The following LARP4 variants were observed in gnomAD, a reference collection of about 807,000 sequenced individuals.
LARP4 encodes La ribonucleoprotein 4.
In LARP4, 29 loss-of-function variants were observed where a neutral mutation model predicts 92.9. The ratio of observed to expected loss-of-function variants is 0.31; its 90% CI spans 0.23 to 0.43. The LOEUF (loss-of-function observed/expected upper bound fraction) is 0.43, where lower values mean the gene tolerates loss of function less well. Ranked by LOEUF, LARP4 falls within the 20% of genes least tolerant of loss-of-function variation. The pLI is 1.00. For missense variants in LARP4, 732 were observed against 860.0 expected (o/e 0.85, Z 1.86); for synonymous variants, 279 against 284.1 (o/e 0.98, Z 0.18).
At chr12:50,401,378 A>C in intron 1 of LARP4, 3 of 258,670 alleles carry the variant, frequency 1.2e-5, no homozygotes, top group Non-Finnish European at 1.5e-5. Context: ...GGAGAGGGTA[A>C]TCAGGTGGGC....
intron 15 of LARP4, among the ~76,000 whole-genome samples, 179 bp from the exon 16 acceptor site, chr12:50,475,347 A>T (rs1394657440): frequency 1.3e-5 from 2 of 152,172 alleles, no homozygotes; most frequent in Non-Finnish European, 2.9e-5. Context: ...CCTTACGTGA[A>T]ATTATTGTAT....
chr12:50,401,445 CAT>C (rs1943825172), intron 1 of LARP4, among the ~76,000 whole-genome samples: 1 of 152,164 alleles, frequency 6.6e-6, no homozygotes, highest in African/African-American at 2.4e-5. Context: ...AGGCGAGCAA[CAT>C]GTGGGGCCAC....
chr12:50,466,808 G>A (rs1956211033), intron 12 of LARP4, 151 bp from the exon 13 acceptor site: 4 of 622,174 alleles, frequency 6.4e-6, no homozygotes, highest in South Asian at 6.1e-5. Flanking sequence ...CAAGTGAGAT[G>A]TCAAACCAAG....
chr12:50,436,472 A>G (rs1950482931), intron 5 of LARP4, among the ~76,000 whole-genome samples: 1 of 152,174 alleles, frequency 6.6e-6, no homozygotes, highest in African/African-American at 2.4e-5. Flanking sequence ...TTAAACCCAA[A>G]TAAGAAGTAC....
chr12:50,461,025 C>T, intron 10 of LARP4, 110 bp from the exon 11 acceptor site: 1 of 773,836 alleles, frequency 1.3e-6, no homozygotes, highest in South Asian at 1.5e-5. Context: ...TTGTGTTTAA[C>T]TTAATTTTTT....
At chr12:50,436,141 ATATATCCCGCTGGGG>A (rs1950418524) in intron 5 of LARP4, among the ~76,000 whole-genome samples, 1 of 128,662 alleles carries the variant, frequency 7.8e-6, no homozygotes, top group African/African-American at 3.2e-5. Flanking sequence ...GTGTGTGTGT[ATATATCCCGCTGGGG>A]TGTGTGTGTG....
In LARP4 at chr12:50,477,477, A is replaced by G. The variant is rs535780018; in HGVS notation, c.*1613A>G. Reference sequence around the variant, plus strand: ...GAAAGCACCATTGTGACATAGAGTAAACATCTTAGTAATATATTAAAGTGA... The same window carrying G: ...GAAAGCACCATTGTGACATAGAGTAGACATCTTAGTAATATATTAAAGTGA... On this transcript the variant is annotated 3_prime_UTR_variant, in exon 16 of 16. Transcript: ENST00000398473. 6.5e-6 allele frequency: 1 copy of G among 152,674 alleles called. No individual in the cohort carries two copies. The highest frequency in any genetic ancestry group is 2.1e-4 in the South Asian group (1 of 4,824). The allele number at this position is 152,674 out of a possible 1,614,324, so 9.5% of individuals were successfully genotyped here. A position where few individuals can be genotyped will look rare whatever the true frequency, so the allele number is the denominator to read the frequency against.
intron 1 of LARP4, chr12:50,415,861 G>GT: frequency 6.6e-6 from 1 of 150,540 alleles, no homozygotes. Flanking sequence ...GCTAATTCTT[G>GT]TTTTTTTGTT....
At chr12:50,472,760 G>A (rs1052959855) in intron 13 of LARP4, among the ~76,000 whole-genome samples, 3 of 151,420 alleles carry the variant, frequency 2.0e-5, no homozygotes, top group Non-Finnish European at 2.9e-5. Flanking sequence ...CAGTCCTCCC[G>A]CCTCAGCCTC....
Position 50,475,923 on chromosome 12 carries a change from A to G in LARP4, c.*59A>G, listed in dbSNP as rs1593520698. ...TTCCCATTAAACTTGAACTGTGGCT[A>G]TATTGAACTGTTTTGGAGGGGAGGG... On this transcript the variant is annotated 3_prime_UTR_variant, in exon 16 of 16. Transcript: ENST00000398473. The G allele has an allele frequency of 8.3e-6, 12 of 1,443,368 alleles. No individual in the cohort carries two copies. The East Asian group carries it at 9.1e-5, about 11-fold the overall frequency. The allele number at this position is 1,443,368 out of a possible 1,614,324, so 89.4% of individuals were successfully genotyped here.
intron 13 of LARP4, among the ~76,000 whole-genome samples, chr12:50,472,478 A>C (rs1272447350): frequency 6.6e-6 from 1 of 151,724 alleles, no homozygotes; most frequent in East Asian, 1.9e-4. Flanking sequence ...ATTCATGTTG[A>C]GCGTGAGTCA....
intron 1 of LARP4, among the ~76,000 whole-genome samples, chr12:50,410,844 G>A (rs1439786960): frequency 6.6e-6 from 1 of 152,138 alleles, no homozygotes; most frequent in Non-Finnish European, 1.5e-5. Context: ...GTGGCGTCAG[G>A]TTCTTTTGAT....
chr12:50,402,751 A>C (rs1368884190), intron 1 of LARP4: 1 of 455,172 alleles, frequency 2.2e-6, no homozygotes, highest in Non-Finnish European at 4.4e-6. Context: ...ATTTAGATCC[A>C]GGTCATGCTG....
chr12:50,426,732 G>GTT (rs796220360), intron 1 of LARP4, among the ~76,000 whole-genome samples: 2 of 52,100 alleles, frequency 3.8e-5, no homozygotes, highest in East Asian at 6.0e-4. Context: ...TGTGTGTGTG[G>GTT]TTTTTTTTTT....
chr12:50,402,269 AC>A (rs1944001029), intron 1 of LARP4, among the ~76,000 whole-genome samples: 1 of 152,156 alleles, frequency 6.6e-6, no homozygotes, highest in Non-Finnish European at 1.5e-5. Context: ...TTTTTAAAAG[AC>A]TGCTACATTA....
At chr12:50,464,243 A>T (rs557103075) in intron 12 of LARP4, among the ~76,000 whole-genome samples, 8 of 152,372 alleles carry the variant, frequency 5.3e-5, no homozygotes, top group African/African-American at 1.7e-4. Context: ...AGCATGATGC[A>T]GGCATCTGCC....
chr12:50,459,969 T>C (rs1955064113), intron 10 of LARP4, among the ~76,000 whole-genome samples: 1 of 151,738 alleles, frequency 6.6e-6, no homozygotes, highest in Non-Finnish European at 1.5e-5. Context: ...AAACCCTGTC[T>C]CTACTGAAAA....
rs1247267652 is a variant in LARP4 at position 50,475,876 on chromosome 12, A to G, written c.*12A>G. 8.7e-6 allele frequency: 14 copies of G among 1,605,124 alleles called. No individual in the cohort carries two copies. The highest frequency in any genetic ancestry group is 1.2e-5 in the Non-Finnish European group (14 of 1,174,346). The stretch of plus-strand genomic sequence containing the variant: ...GATCACCAAAGTAAAAAACAACAAA[A>G]CTATTCAAAAACTTCACTCTCTTCC... On this transcript the variant is annotated 3_prime_UTR_variant, in exon 16 of 16. Coordinates refer to ENST00000398473, the MANE Select transcript of LARP4 (RefSeq NM_052879.5).
At position 50,470,418 on chromosome 12, in the gene LARP4, ACTTTCTTT is replaced by A. The variant is rs539989087; in HGVS notation, c.1546-2980_1546-2973del. ...AGATGATACACAAACACACATATAT[ACTTTCTTT>A]CTTTCTTTCTTTCTTTTTTTTTTTG... On this transcript the variant is annotated intron_variant, in intron 13 of 15. Coordinates refer to ENST00000398473, the MANE Select transcript of LARP4 (RefSeq NM_052879.5). Among the ~76,000 whole-genome samples, 231 of 151,640 alleles carry A rather than the reference ACTTTCTTT, an allele frequency of 1.5e-3. 1 individual carries two copies. Among genetic ancestry groups the A allele is most frequent in the Middle Eastern group, 3.4e-3 (1 of 292 alleles).
Sources: allele counts gnomAD v4.1 joint callset (sites outside exome capture counted in the v4.1 genomes callset), GRCh38; gene constraint gnomAD v4.1.1; transcripts MANE v1.5; gene names NCBI Gene and HGNC (gene_info 2026-07-23, HGNC 2026-07-21).